Variants in SVIL observed in about 807,000 individuals in gnomAD.
SVIL encodes supervillin, also known as archvillin.
Under a neutral mutation model 240.4 loss-of-function variants are expected in SVIL, and 101 were observed. That is an observed-to-expected ratio of 0.42 (90% CI 0.36 to 0.50). The LOEUF (loss-of-function observed/expected upper bound fraction) is 0.50. Among genes scored for constraint, SVIL ranks in the 20% least tolerant of loss-of-function variants. The probability of loss-of-function intolerance (pLI) is 0.01; values close to 1 mark genes in which losing one functional copy is unlikely to be tolerated. For missense variants in SVIL, 2,512 were observed against 2,818.7 expected (o/e 0.89, Z 2.46); for synonymous variants, 999 against 1,100.0 (o/e 0.91, Z 1.82).
At chr10:29,479,773 A>G (rs924359388) in intron 29 of SVIL, among the ~76,000 whole-genome samples, 31 of 152,208 alleles carry the variant, frequency 2.0e-4, no homozygotes, top group African/African-American at 6.0e-4. Context: ...CTGCACAGCA[A>G]GGGGGCTGTA....
rs150559973 is a variant in SVIL at position 29,687,762 on chromosome 10, A to G, written c.-399-1111T>C. Reference sequence around the variant, plus strand: ...ATGCCTTCCCCCTTTAAGAAAAGGTATAAATACTAAACCTCCTGAAAACTT... The same window carrying G: ...ATGCCTTCCCCCTTTAAGAAAAGGTGTAAATACTAAACCTCCTGAAAACTT... On this transcript the variant is annotated intron_variant, in intron 1 of 35. Transcript: ENST00000375400. Among the ~76,000 whole-genome samples the G allele has an allele frequency of 5.5e-3, 834 of 152,370 alleles. 9 individuals carry two copies. Among genetic ancestry groups the G allele is most frequent in the African/African-American group, 0.019 (808 of 41,586 alleles).
chr10:29,523,595 G>C lies in SVIL; in HGVS notation c.3019C>G (p.Pro1007Ala). 6.2e-7 allele frequency: 1 copy of C among 1,614,170 alleles called. No homozygotes were observed. The highest frequency in any genetic ancestry group is 8.5e-7 in the Non-Finnish European group (1 of 1,180,028). ...GGTTCATCCCCGAGGTGGGTGATGG[G>C]AGGGTTCGCCCGTTCCAGGCTTCCT... The part of the protein sequence containing the change: ...RRGSLERANP[P>A]ITHLGDEPKE... The change falls in exon 15 of 38, where the codon CCC (proline) becomes GCC (alanine). Residue 1007 changes from proline to alanine, a missense_variant. By Grantham distance (27) the Pro-to-Ala change is conservative (BLOSUM62 -1). Transcript: ENST00000355867.
intron 1 of SVIL, among the ~76,000 whole-genome samples, chr10:29,612,372 G>A (rs1164910910): frequency 1.3e-5 from 2 of 152,176 alleles, no homozygotes; most frequent in Non-Finnish European, 2.9e-5. Flanking sequence ...GTGACATCAG[G>A]CAGTGAAATG....
intron 2 of SVIL, among the ~76,000 whole-genome samples, chr10:29,662,655 T>G: frequency 6.6e-6 from 1 of 152,070 alleles, no homozygotes; most frequent in East Asian, 1.9e-4. Context: ...AACACATGGA[T>G]GGGAAAGCCA....
At chr10:29,654,577 G>A (rs1377748842) in intron 3 of SVIL, among the ~76,000 whole-genome samples, 1 of 152,162 alleles carries the variant, frequency 6.6e-6, no homozygotes. Flanking sequence ...GTATTAGTCA[G>A]GGTTCTCCAG....
intron 36 of SVIL, among the ~76,000 whole-genome samples, chr10:29,460,499 T>C (rs770158684): frequency 6.6e-6 from 1 of 152,230 alleles, no homozygotes; most frequent in Admixed American, 6.5e-5. Flanking sequence ...ACAGAACTGA[T>C]GTTTATGATT....
intron 1 of SVIL, among the ~76,000 whole-genome samples, chr10:29,721,253 C>CAAAAA (rs1369109904): frequency 2.3e-5 from 2 of 86,776 alleles, no homozygotes; most frequent in African/African-American, 7.2e-5. Flanking sequence ...AACAAACAAA[C>CAAAAA]AAACAAAAAA....
At chr10:29,701,337 A>AG (rs1803699600) in intron 1 of SVIL, among the ~76,000 whole-genome samples, 1 of 120,970 alleles carries the variant, frequency 8.3e-6, no homozygotes, top group Non-Finnish European at 1.9e-5. Flanking sequence ...AGAGAGAATA[A>AG]GGCCAATACC....
At chr10:29,459,690 T>C in intron 36 of SVIL, among the ~76,000 whole-genome samples, 1 of 152,178 alleles carries the variant, frequency 6.6e-6, no homozygotes, top group East Asian at 1.9e-4. Context: ...CCATTAAACT[T>C]GGGACCCCAG....
intron 16 of SVIL, among the ~76,000 whole-genome samples, chr10:29,513,120 C>T (rs558687233): frequency 1.3e-5 from 2 of 152,364 alleles, no homozygotes; most frequent in South Asian, 2.1e-4. Flanking sequence ...GATGCACCAT[C>T]ATTCCAGCCA....
Position 29,569,241 on chromosome 10 carries a change from C to A in SVIL, c.-143+14G>T, listed in dbSNP as rs1286378144. 16 of 985,018 alleles carry A rather than the reference C, an allele frequency of 1.6e-5. No homozygotes were observed. The highest frequency in any genetic ancestry group is 1.9e-5 in the Non-Finnish European group (16 of 829,180). The allele number at this position is 985,018 out of a possible 1,614,324, so 61.0% of individuals were successfully genotyped here. On this transcript the variant is annotated intron_variant, in intron 2 of 37. Transcript: ENST00000355867. ...CTTCAAAATTTCACAGTTGTTGAGA[C>A]AAGGCCACTTTACCTTGAAACTTTC...
chr10:29,573,885 G>A (rs759562439), intron 1 of SVIL, among the ~76,000 whole-genome samples: 24 of 152,118 alleles, frequency 1.6e-4, no homozygotes, highest in African/African-American at 2.7e-4. Context: ...TAATAGAGAC[G>A]GGGTTTCGCC....
At chr10:29,494,770 A>G (rs991084001) in intron 20 of SVIL, 144 bp downstream of exon 20, 25 of 771,200 alleles carry the variant, frequency 3.2e-5, no homozygotes, top group Admixed American at 9.5e-5. Flanking sequence ...GGAGTCCCCA[A>G]TTTAGTACGT....
At chr10:29,730,018 T>C (rs1197097513) in intron 1 of SVIL, among the ~76,000 whole-genome samples, 1 of 147,768 alleles carries the variant, frequency 6.8e-6, no homozygotes, top group African/African-American at 2.5e-5. Context: ...TTCTCTATAA[T>C]TTTTTTTAAA....
At chr10:29,609,118 T>C (rs766971524) in intron 1 of SVIL, among the ~76,000 whole-genome samples, 3 of 152,196 alleles carry the variant, frequency 2.0e-5, no homozygotes, top group Non-Finnish European at 2.9e-5. Context: ...TGTCACTCAA[T>C]AAAGCTCCTG....
At position 29,458,088 on chromosome 10, in the gene SVIL, A is replaced by G. The variant is rs1229979052; in HGVS notation, c.*159T>C. On this transcript the variant is annotated 3_prime_UTR_variant, in exon 38 of 38. Transcript: ENST00000355867. ...GTTCCCTTGAACATTTACAAAATAC[A>G]CAACTCCGGGACAAGCAGTATCTTT... The G allele has an allele frequency of 4.3e-6, 3 of 698,440 alleles. No homozygotes were observed. The African/African-American group carries it at 5.4e-5, about 13-fold the overall frequency. The allele number at this position is 698,440 out of a possible 1,614,324, so 43.3% of individuals were successfully genotyped here. A position where few individuals can be genotyped will look rare whatever the true frequency, so the allele number is the denominator to read the frequency against.
intron 1 of SVIL, among the ~76,000 whole-genome samples, chr10:29,632,774 GTAC>G (rs1324482243): frequency 5.9e-5 from 9 of 152,278 alleles, no homozygotes; most frequent in African/African-American, 2.2e-4. Flanking sequence ...GGCACCTAAT[GTAC>G]TACAATAGCT....
intron 1 of SVIL, among the ~76,000 whole-genome samples, chr10:29,719,132 A>G (rs147556817): frequency 7.2e-5 from 11 of 152,260 alleles, no homozygotes; most frequent in Middle Eastern, 3.4e-3. Context: ...AAAAGAATGG[A>G]AAAACTCATA....
At chr10:29,656,116 G>A (rs1958996545) in intron 3 of SVIL, among the ~76,000 whole-genome samples, 1 of 151,292 alleles carries the variant, frequency 6.6e-6, no homozygotes, top group Admixed American at 6.6e-5. Flanking sequence ...TGATCTGCCT[G>A]CCTCGGCCTC....
Sources: gnomAD v4.1 joint callset for allele counts (sites outside exome capture counted in the v4.1 genomes callset) on GRCh38, gnomAD v4.1.1 for gene constraint, MANE v1.5 for transcripts, NCBI Gene and HGNC (gene_info 2026-07-23, HGNC 2026-07-21) for gene names.